The following NKAIN3 variants were observed in gnomAD, a reference collection of about 807,000 sequenced individuals.
The protein encoded by NKAIN3 is sodium/potassium-transporting ATPase subunit beta-1-interacting protein 3.
NKAIN3 carries 25 observed loss-of-function variants against 30.2 expected under a neutral mutation model. That is an observed-to-expected ratio of 0.83 (90% CI 0.60 to 1.16). The LOEUF (loss-of-function observed/expected upper bound fraction) is 1.16, where lower values mean the gene tolerates loss of function less well. Ranked by LOEUF, NKAIN3 falls within the 50% of genes most tolerant of loss-of-function variation. The probability of loss-of-function intolerance (pLI) is 0.00; values close to 1 mark genes in which losing one functional copy is unlikely to be tolerated. For missense variants in NKAIN3, 225 were observed against 254.1 expected (o/e 0.89, Z 0.78); for synonymous variants, 91 against 89.6 (o/e 1.02, Z -0.09).
intron 5 of NKAIN3, among the ~76,000 whole-genome samples, chr8:62,924,628 G>C (rs535914186): frequency 1.2e-4 from 18 of 152,250 alleles, no homozygotes; most frequent in South Asian, 1.0e-3. Context: ...TGTATTCCCT[G>C]ACTCTTCCCT....
intron 3 of NKAIN3, among the ~76,000 whole-genome samples, chr8:62,712,611 G>T (rs11780909): frequency 0.86 from 130,302 of 151,986 alleles, 56,012 homozygotes; most frequent in Admixed American, 0.89. Flanking sequence ...ACAGCCCTGA[G>T]TGTGTTTCCA....
At chr8:62,324,366 C>T (rs13257641) in intron 1 of NKAIN3, among the ~76,000 whole-genome samples, 29,619 of 151,834 alleles carry the variant, frequency 0.2, 3,794 homozygotes, top group Non-Finnish European at 0.28. Flanking sequence ...ATAATGATTA[C>T]GACCTAAAAA....
At chr8:62,521,593 C>T (rs1195391742) in intron 1 of NKAIN3, among the ~76,000 whole-genome samples, 7 of 152,120 alleles carry the variant, frequency 4.6e-5, no homozygotes, top group Non-Finnish European at 1.0e-4. Flanking sequence ...GGGCCCATGG[C>T]TCCCACTGGC....
chr8:62,412,317 C>CA lies in NKAIN3; in HGVS notation c.54+163199dup, dbSNP rs71255335. Among the ~76,000 whole-genome samples the CA allele has an allele frequency of 6.2e-3, 933 of 150,050 alleles. 13 individuals carry two copies. The highest frequency in any genetic ancestry group is 0.019 in the African/African-American group (764 of 40,912). ...ATGCTGACAAACAAAAACAAACAAACAAAAAAAAACAGTGGGGAAAGGTCT... is the reference window on the plus strand; with the variant it reads ...ATGCTGACAAACAAAAACAAACAAACAAAAAAAAAACAGTGGGGAAAGGTCT... On this transcript the variant is annotated intron_variant, in intron 1 of 6. Coordinates refer to ENST00000623646, the MANE Select transcript of NKAIN3 (RefSeq NM_001304533.3).
intron 1 of NKAIN3, among the ~76,000 whole-genome samples, chr8:62,379,559 C>T (rs1434533754): frequency 1.3e-5 from 2 of 152,166 alleles, no homozygotes; most frequent in Non-Finnish European, 2.9e-5. Flanking sequence ...ATGCTGTTCT[C>T]ATAAGAGTGA....
intron 3 of NKAIN3, among the ~76,000 whole-genome samples, chr8:62,595,617 G>A (rs914089841): frequency 9.2e-5 from 14 of 151,996 alleles, no homozygotes; most frequent in African/African-American, 2.9e-4. Flanking sequence ...CTGATTGGTC[G>A]GGTGTGAGCT....
intron 1 of NKAIN3, among the ~76,000 whole-genome samples, chr8:62,345,523 G>GTA (rs1415783200): frequency 4.1e-5 from 3 of 72,688 alleles, no homozygotes; most frequent in Non-Finnish European, 2.8e-5. Flanking sequence ...ACACATATAT[G>GTA]TATATATACA....
chr8:62,575,750 C>T (rs1469440286), intron 1 of NKAIN3, among the ~76,000 whole-genome samples: 2 of 152,100 alleles, frequency 1.3e-5, no homozygotes, highest in African/African-American at 4.8e-5. Context: ...CAGCATGGCA[C>T]TGGCATAAAA....
At chr8:62,479,771 G>A (rs1232341952) in intron 1 of NKAIN3, among the ~76,000 whole-genome samples, 1 of 152,050 alleles carries the variant, frequency 6.6e-6, no homozygotes, top group Non-Finnish European at 1.5e-5. Flanking sequence ...AGCCCTCAGG[G>A]TCCCAGAGTA....
intron 4 of NKAIN3, among the ~76,000 whole-genome samples, chr8:62,757,921 T>A (rs1381402925): frequency 6.6e-6 from 1 of 152,136 alleles, no homozygotes. Context: ...AGGTGACATA[T>A]ATGGAGTCCT....
chr8:62,392,922 T>A (rs1817619926), intron 1 of NKAIN3, among the ~76,000 whole-genome samples: 1 of 152,086 alleles, frequency 6.6e-6, no homozygotes. Flanking sequence ...TCTCCTGGAC[T>A]GTAACAGCAG....
chr8:62,263,315 C>T (rs1812502581), intron 1 of NKAIN3, among the ~76,000 whole-genome samples: 1 of 151,990 alleles, frequency 6.6e-6, no homozygotes, highest in Non-Finnish European at 1.5e-5. Flanking sequence ...CAGAAATGTA[C>T]TTCTTTAGTC....
chr8:62,677,979 A>G (rs1390084219), intron 3 of NKAIN3, among the ~76,000 whole-genome samples: 1 of 152,234 alleles, frequency 6.6e-6, no homozygotes, highest in African/African-American at 2.4e-5. Flanking sequence ...TTCTGAGTCC[A>G]AACATACCAA....
At chr8:62,841,779 G>A (rs1819536655) in intron 4 of NKAIN3, among the ~76,000 whole-genome samples, 1 of 152,128 alleles carries the variant, frequency 6.6e-6, no homozygotes, top group South Asian at 2.1e-4. Context: ...ACCTGGGAGT[G>A]CAGATATCTC....
intron 1 of NKAIN3, among the ~76,000 whole-genome samples, chr8:62,252,486 C>T (rs1812140256): frequency 1.3e-5 from 2 of 152,144 alleles, no homozygotes; most frequent in South Asian, 4.1e-4. Context: ...TTTCGGTTTG[C>T]AAAATCTCAG....
At chr8:62,833,392 T>G (rs1819257451) in intron 4 of NKAIN3, among the ~76,000 whole-genome samples, 1 of 151,810 alleles carries the variant, frequency 6.6e-6, no homozygotes, top group African/African-American at 2.4e-5. Context: ...AACCAAAAAT[T>G]GGCTCTTTCA....
intron 1 of NKAIN3, among the ~76,000 whole-genome samples, chr8:62,509,176 G>A (rs1261490498): frequency 6.6e-6 from 1 of 152,156 alleles, no homozygotes; most frequent in Non-Finnish European, 1.5e-5. Flanking sequence ...ATAGAGAGTA[G>A]GAGATAATCA....
intron 3 of NKAIN3, among the ~76,000 whole-genome samples, chr8:62,688,624 T>C (rs1813865916): frequency 6.6e-6 from 1 of 152,134 alleles, no homozygotes; most frequent in Non-Finnish European, 1.5e-5. Flanking sequence ...GAATTACTAA[T>C]GTGAGAAGTT....
intron 3 of NKAIN3, among the ~76,000 whole-genome samples, chr8:62,611,297 T>C (rs573539075): frequency 6.6e-6 from 1 of 152,274 alleles, no homozygotes; most frequent in South Asian, 2.1e-4. Flanking sequence ...CTTAAGCATT[T>C]ATGCTTTGAG....
Sources: gnomAD v4.1 joint callset for allele counts (sites outside exome capture counted in the v4.1 genomes callset) on GRCh38, gnomAD v4.1.1 for gene constraint, MANE v1.5 for transcripts, NCBI Gene and HGNC (gene_info 2026-07-23, HGNC 2026-07-21) for gene names.